ASTN2: variants seen among roughly 807,000 people sequenced by gnomAD.
The protein encoded by ASTN2 is astrotactin-2.
Under a neutral mutation model 139.8 loss-of-function variants are expected in ASTN2, and 54 were observed. The ratio of observed to expected loss-of-function variants is 0.39; its 90% CI spans 0.31 to 0.48. The LOEUF is 0.48. Ranked by LOEUF, ASTN2 falls within the 20% of genes least tolerant of loss-of-function variation. ASTN2 has a pLI of 0.95. For missense variants in ASTN2, 1,565 were observed against 1,725.1 expected, an observed-to-expected ratio of 0.91 and a Z score of 1.64; for synonymous variants, 756 against 719.5, an observed-to-expected ratio of 1.05 and a Z score of -0.81.
intron 4 of ASTN2, among the ~76,000 whole-genome samples, chr9:117,115,112 A>T (rs1022923721): frequency 2.6e-5 from 4 of 152,162 alleles, no homozygotes; most frequent in Non-Finnish European, 4.4e-5. Flanking sequence ...TTTTAACCAC[A>T]AAGCTTTGGG....
chr9:117,180,294 C>T (rs1398409909), intron 3 of ASTN2, among the ~76,000 whole-genome samples: 2 of 152,172 alleles, frequency 1.3e-5, no homozygotes, highest in African/African-American at 4.8e-5. Context: ...CCCATCTCTT[C>T]CTCTACAGTC....
At chr9:116,502,288 A>G (rs2119141847) in intron 19 of ASTN2, among the ~76,000 whole-genome samples, 1 of 151,978 alleles carries the variant, frequency 6.6e-6, no homozygotes, top group Non-Finnish European at 1.5e-5. Flanking sequence ...GAGGAGACAC[A>G]CAACACACAG....
At chr9:116,764,387 G>A (rs1479885809) in intron 13 of ASTN2, among the ~76,000 whole-genome samples, 8 of 152,108 alleles carry the variant, frequency 5.3e-5, no homozygotes. Flanking sequence ...AGCTCCCTAT[G>A]GGGTTGGCTG....
intron 13 of ASTN2, among the ~76,000 whole-genome samples, chr9:116,794,466 C>T (rs1347177649): frequency 6.6e-6 from 1 of 152,108 alleles, no homozygotes; most frequent in African/African-American, 2.4e-5. Context: ...CATCCTGAGC[C>T]ACATATGGCT....
At chr9:116,450,537 T>G (rs1353270742) in intron 20 of ASTN2, among the ~76,000 whole-genome samples, 1 of 152,188 alleles carries the variant, frequency 6.6e-6, no homozygotes, top group Admixed American at 6.5e-5. Context: ...TAATAATGGC[T>G]TTGGGTAAGT....
At chr9:117,380,739 C>G (rs904611506) in intron 1 of ASTN2, among the ~76,000 whole-genome samples, 1 of 152,096 alleles carries the variant, frequency 6.6e-6, no homozygotes, top group East Asian at 1.9e-4. Context: ...CTTCACCCCA[C>G]TAGGGTAAAG....
chr9:117,074,371 GA>G (rs1828218622), intron 5 of ASTN2, among the ~76,000 whole-genome samples: 1 of 152,172 alleles, frequency 6.6e-6, no homozygotes, highest in African/African-American at 2.4e-5. Context: ...TGGTCTGAGG[GA>G]TCAGGGAAAG....
chr9:117,165,273 G>C (rs1830644834), intron 3 of ASTN2, among the ~76,000 whole-genome samples: 3 of 152,096 alleles, frequency 2.0e-5, no homozygotes, highest in African/African-American at 7.2e-5. Flanking sequence ...GTTCATTACA[G>C]TCAGTACTTT....
At chr9:117,181,315 G>A (rs951888844) in intron 3 of ASTN2, 3 of 407,324 alleles carry the variant, frequency 7.4e-6, no homozygotes, top group African/African-American at 6.1e-5. Context: ...ACTTGCCCCA[G>A]GTCAAAGAGC....
At chr9:116,610,329 G>A (rs73528713) in intron 19 of ASTN2, among the ~76,000 whole-genome samples, 3,757 of 152,226 alleles carry the variant, frequency 0.025, 147 homozygotes, top group African/African-American at 0.086. Flanking sequence ...TGATGGCTGC[G>A]GACGGTGGCT....
At chr9:116,522,514 G>A (rs186034233) in intron 19 of ASTN2, among the ~76,000 whole-genome samples, 99 of 152,208 alleles carry the variant, frequency 6.5e-4, no homozygotes, top group African/African-American at 2.2e-3. Context: ...GGACTTGGGG[G>A]AAAGGGTGAG....
chr9:117,063,166 T>C (rs1254912574), intron 5 of ASTN2, among the ~76,000 whole-genome samples: 1 of 152,194 alleles, frequency 6.6e-6, no homozygotes, highest in African/African-American at 2.4e-5. Flanking sequence ...ATATATTCCA[T>C]GGTAATATGT....
intron 5 of ASTN2, among the ~76,000 whole-genome samples, chr9:117,055,671 A>G (rs1462073052): frequency 6.6e-6 from 1 of 152,228 alleles, no homozygotes; most frequent in Non-Finnish European, 1.5e-5. Context: ...AAACCTGGTG[A>G]TAAATCAGTC....
chr9:116,501,090 G>C (rs555154903), intron 19 of ASTN2, among the ~76,000 whole-genome samples: 31 of 152,270 alleles, frequency 2.0e-4, no homozygotes, highest in African/African-American at 7.5e-4. Context: ...ATCTTCAGTA[G>C]ATAAGGGAGA....
rs1245073971 is a variant in ASTN2 at position 117,306,796 on chromosome 9, A to G, written c.443-15283T>C. On this transcript the variant is annotated intron_variant, in intron 1 of 22. Transcript: ENST00000313400. Reference sequence around the variant, plus strand: ...CCACTCATCCCATGCACCTTTTTTGAATGTTTTTCTTTAATGACCACTGAC... The same window carrying G: ...CCACTCATCCCATGCACCTTTTTTGGATGTTTTTCTTTAATGACCACTGAC... 7.2e-5 allele frequency among the ~76,000 whole-genome samples: 11 copies of G among 151,930 alleles called. No individual in the cohort carries two copies. In the East Asian group the frequency reaches 1.7e-3, roughly 24 times the overall value.
chr9:116,744,290 C>T (rs965920915), intron 13 of ASTN2, among the ~76,000 whole-genome samples: 2 of 152,030 alleles, frequency 1.3e-5, no homozygotes, highest in Non-Finnish European at 2.9e-5. Flanking sequence ...TGGGATAGGG[C>T]TAGAGGAGGC....
At chr9:117,374,938 G>T (rs938805028) in intron 1 of ASTN2, among the ~76,000 whole-genome samples, 1 of 152,098 alleles carries the variant, frequency 6.6e-6, no homozygotes, top group African/African-American at 2.4e-5. Flanking sequence ...CAGCTTCTGT[G>T]GTTCCCCACC....
intron 5 of ASTN2, among the ~76,000 whole-genome samples, chr9:117,045,983 C>T (rs7022463): frequency 8.7e-4 from 107 of 122,936 alleles, no homozygotes; most frequent in Non-Finnish European, 1.5e-3. Flanking sequence ...TATGTATGTA[C>T]GTACGTACGT....
At chr9:116,841,124 C>T (rs1299083035) in intron 11 of ASTN2, among the ~76,000 whole-genome samples, 1 of 152,246 alleles carries the variant, frequency 6.6e-6, no homozygotes, top group African/African-American at 2.4e-5. Flanking sequence ...TCTGCAATCC[C>T]GGCACCTCGG....
Sources: gnomAD v4.1 joint callset for allele counts (sites outside exome capture counted in the v4.1 genomes callset) on GRCh38, gnomAD v4.1.1 for gene constraint, MANE v1.5 for transcripts, NCBI Gene and HGNC (gene_info 2026-07-23, HGNC 2026-07-21) for gene names.